The following RPGR variants were observed in gnomAD, a reference collection of about 807,000 sequenced individuals.
The protein encoded by RPGR is retinitis pigmentosa GTPase regulator.
In RPGR, 10 loss-of-function variants were observed where a neutral mutation model predicts 56.3. The observed-to-expected ratio is 0.18, with a 90% confidence interval of 0.11 to 0.30. The LOEUF is 0.30. Among genes scored for constraint, RPGR ranks in the 10% least tolerant of loss-of-function variants. RPGR has a pLI of 1.00. For missense variants in RPGR, 538 were observed against 590.9 expected (o/e 0.91, Z 0.93); for synonymous variants, 197 against 212.9 (o/e 0.93, Z 0.65).
At chrX:38,298,888 A>G (rs1180074915) in intron 10 of RPGR, 68 bp downstream of exon 10, 1 of 1,102,240 alleles carries the variant, frequency 9.1e-7, no homozygotes, top group Admixed American at 2.2e-5. Context: ...AAGAAAACAG[A>G]TTTTTTTCTT....
Position 38,327,261 on chromosome X carries a change from G to A in RPGR, c.28+79C>T, listed in dbSNP as rs938123661. 6 of 1,036,388 alleles carry A rather than the reference G, an allele frequency of 5.8e-6. No individual in the cohort carries two copies. The Admixed American group carries it at 8.0e-5, about 14-fold the overall frequency. The allele number at this position is 1,036,388 out of a possible 1,213,427, so 85.4% of individuals were successfully genotyped here. A position where few individuals can be genotyped will look rare whatever the true frequency, so the allele number is the denominator to read the frequency against. On this transcript the variant is annotated intron_variant, in intron 1 of 18. Transcript: ENST00000642395. Reference sequence around the variant, plus strand: ...CAAGCCTGGGGCCTGTCCCCCTACAGGGCCGATCCGGAGGCGGGGCCCGGC... The same window carrying A: ...CAAGCCTGGGGCCTGTCCCCCTACAAGGCCGATCCGGAGGCGGGGCCCGGC...
chrX:38,304,192 GA>G lies in RPGR; in HGVS notation c.934+442del, dbSNP rs111715340. Among the ~76,000 whole-genome samples the G allele has an allele frequency of 9.7e-4, 108 of 111,759 alleles. 1 individual carries two copies. Among genetic ancestry groups the G allele is most frequent in the African/African-American group, 3.4e-3 (104 of 30,728 alleles). On this transcript the variant is annotated intron_variant, in intron 8 of 18. Transcript: ENST00000642395. Reference sequence around the variant, plus strand: ...AAAGAGAAGGAAAGGAGTCATTCCTGAAAACGCCTCCAGGTGGCAAAAACAT... The same window carrying G: ...AAAGAGAAGGAAAGGAGTCATTCCTGAAACGCCTCCAGGTGGCAAAAACAT...
chrX:38,296,800 T>C (rs2067392601), intron 11 of RPGR, among the ~76,000 whole-genome samples: 1 of 111,812 alleles, frequency 8.9e-6, no homozygotes, highest in African/African-American at 3.3e-5. Flanking sequence ...TGACCCCAGT[T>C]TAACTCCATA....
chrX:38,308,447 A>G (rs1425106240), intron 7 of RPGR, among the ~76,000 whole-genome samples: 1 of 112,139 alleles, frequency 8.9e-6, no homozygotes, highest in African/African-American at 3.2e-5. Context: ...AGCTTTCATT[A>G]AAAGTATCAT....
At position 38,286,478 on chromosome X, in the gene RPGR, C is replaced by CCCCTTCCTCCTCTTCCCCCTT; in HGVS notation, c.1905+615_1905+616insAAGGGGGAAGAGGAGGAAGGG. On this transcript the variant is annotated intron_variant, in intron 15 of 18. Coordinates refer to ENST00000642395, the MANE Select transcript of RPGR (RefSeq NM_000328.3). ...CCCTCCCCTTCCTCCTCTTCCCCCT[C>CCCCTTCCTCCTCTTCCCCCTT]CCCTTCCTCCTCTTCCCCCTCACCC... The CCCCTTCCTCCTCTTCCCCCTT allele has an allele frequency of 1.1e-6, 1 of 935,927 alleles. No homozygotes were observed. The highest frequency in any genetic ancestry group is 3.9e-5 in the African/African-American group (1 of 25,401). 77.1% of individuals were successfully genotyped at this position (935,927 alleles called of 1,213,427 possible). A position where few individuals can be genotyped will look rare whatever the true frequency, so the allele number is the denominator to read the frequency against.
chrX:38,301,585 C>T (rs1415134217), intron 8 of RPGR, among the ~76,000 whole-genome samples: 1 of 111,021 alleles, frequency 9.0e-6, no homozygotes, highest in Non-Finnish European at 1.9e-5. Flanking sequence ...AATCAATTAA[C>T]CTTGGTGGTT....
At chrX:38,286,461 T>TTCTCCA in intron 15 of RPGR, 1 of 317,379 alleles carries the variant, frequency 3.2e-6, no homozygotes. Flanking sequence ...CCCCCTCCCC[T>TTCTCCA]TCCTCCTCTT....
intron 15 of RPGR, among the ~76,000 whole-genome samples, chrX:38,283,673 G>A (rs1389600787): frequency 1.8e-5 from 2 of 111,846 alleles, no homozygotes; most frequent in Admixed American, 9.5e-5. Context: ...CTATTTAAAC[G>A]TGGACATATA....
At position 38,273,397 on chromosome X, in the gene RPGR, T is replaced by C. The variant is rs1220234769; in HGVS notation, c.2230A>G (p.Lys744Glu). The change falls in exon 18 of 19, where the codon AAA (lysine) becomes GAA (glutamate). Residue 744 changes from lysine (K) to glutamate (E), a missense_variant. Around this residue, in one of 2 missense-constraint regions of RPGR, gnomAD observed 357 missense variants for 325.8 expected, o/e 1.10. Transcript: ENST00000642395. ...TTCATTTCACTTACCTTCTTTGTTT[T>C]TTTCATGTCTTTGCTTGGTGTTGTT... is the stretch of plus-strand genomic sequence containing the variant. The C allele has an allele frequency of 8.4e-7, 1 of 1,196,882 alleles. No homozygotes were observed. The highest frequency in any genetic ancestry group is 1.8e-5 in the African/African-American group (1 of 57,127).
At chrX:38,313,462 T>C (rs1424864221) in intron 6 of RPGR, among the ~76,000 whole-genome samples, 15 of 112,054 alleles carry the variant, frequency 1.3e-4, no homozygotes, top group Non-Finnish European at 2.3e-4. Context: ...GCCTATGTGA[T>C]AGGGTTGTTT....
chrX:38,319,971 T>C (rs1193218728), intron 4 of RPGR, among the ~76,000 whole-genome samples: 1 of 111,636 alleles, frequency 9.0e-6, no homozygotes, highest in Non-Finnish European at 1.9e-5. Flanking sequence ...CGAAACCTAA[T>C]TGGGGAAACA....
chrX:38,286,827 G>A, intron 15 of RPGR: 1 of 1,169,538 alleles, frequency 8.6e-7, no homozygotes, highest in Non-Finnish European at 1.1e-6. Flanking sequence ...CCATCTCTTG[G>A]TTTCTTTCCT....
chrX:38,297,335 G>A lies in RPGR; in HGVS notation c.1363C>T (p.Leu455Phe). The change falls in exon 11 of 19, where the codon CTC (leucine) becomes TTC (phenylalanine). Residue 455 changes from leucine to phenylalanine, a missense_variant. Physicochemically the swap from Leu to Phe is conservative, Grantham distance 22 (BLOSUM62 0). Around this residue, in one of 2 missense-constraint regions of RPGR, gnomAD observed 357 missense variants for 325.8 expected, o/e 1.10. Transcript: ENST00000642395. ...TGTTCAGATAAGACACTCTCTTGGA[G>A]GTTTCTCTCAGAACATCGTGGAAAG... is the stretch of plus-strand genomic sequence containing the variant. The A allele has an allele frequency of 8.3e-7, 1 of 1,210,557 alleles. No homozygotes were observed. Among genetic ancestry groups the A allele is most frequent in the South Asian group, 1.8e-5 (1 of 56,952 alleles).
At chrX:38,302,269 G>A (rs1211195644) in intron 8 of RPGR, among the ~76,000 whole-genome samples, 1 of 111,395 alleles carries the variant, frequency 9.0e-6, no homozygotes, top group African/African-American at 3.3e-5. Context: ...TTCAAAGGAG[G>A]GGAATTTTCC....
intron 7 of RPGR, among the ~76,000 whole-genome samples, chrX:38,305,892 T>C (rs1300063673): frequency 8.9e-6 from 1 of 112,046 alleles, no homozygotes; most frequent in Non-Finnish European, 1.9e-5. Flanking sequence ...TATTCACAAG[T>C]AAAGCTTCTT....
intron 15 of RPGR, chrX:38,285,144 TAGA>T (rs2067104532): frequency 1.3e-6 from 1 of 767,618 alleles, no homozygotes; most frequent in East Asian, 1.3e-4. Context: ...TATAAGAAAT[TAGA>T]AGTTTTTATA....
At chrX:38,323,042 G>A (rs1037490156) in intron 2 of RPGR, 97 bp from the exon 3 acceptor site, 6 of 665,321 alleles carry the variant, frequency 9.0e-6, no homozygotes, top group Admixed American at 7.1e-5. Context: ...CTTTTAAAAT[G>A]TCACTGCTTT....
chrX:38,300,616 C>A lies in RPGR; in HGVS notation c.1059+631G>T, dbSNP rs1272269217. ...GTGACACGACCTCAGCTCACTGCAA[C>A]CTCCACCTTCTGGGTTCAAGCAATT... On this transcript the variant is annotated intron_variant, in intron 9 of 18. Coordinates refer to ENST00000642395, the MANE Select transcript of RPGR (RefSeq NM_000328.3). Among the ~76,000 whole-genome samples, 3 of 111,490 alleles carry A rather than the reference C, an allele frequency of 2.7e-5. No individual in the cohort carries two copies. In the Admixed American group the frequency reaches 2.9e-4, roughly 11 times the overall value.
intron 15 of RPGR, chrX:38,286,828 T>C: frequency 2.6e-6 from 3 of 1,175,627 alleles, no homozygotes; most frequent in Non-Finnish European, 3.4e-6. Context: ...CATCTCTTGG[T>C]TTCTTTCCTT....
Sources: allele counts gnomAD v4.1 joint callset (sites outside exome capture counted in the v4.1 genomes callset), GRCh38; gene constraint gnomAD v4.1.1; regional missense constraint gnomAD v4.1.1; transcripts MANE v1.5; gene names NCBI Gene and HGNC (gene_info 2026-07-23, HGNC 2026-07-21).